Variants in AGBL1 observed in about 807,000 individuals in gnomAD.
The protein encoded by AGBL1 is AGBL carboxypeptidase 1, also known as cytosolic carboxypeptidase 4.
A neutral mutation model predicts 118.9 loss-of-function variants in AGBL1; 130 were observed. The ratio of observed to expected loss-of-function variants is 1.09; its 90% CI spans 0.95 to 1.26. The LOEUF (loss-of-function observed/expected upper bound fraction) is 1.26, where lower values mean the gene tolerates loss of function less well. Among genes scored for constraint, AGBL1 ranks in the 50% most tolerant of loss-of-function variants. The pLI, the probability that AGBL1 is intolerant of heterozygous loss-of-function variation, is 0.00. For synonymous variants in AGBL1, 555 were observed against 478.9 expected, an observed-to-expected ratio of 1.16 and a Z score of -2.08; for missense variants, 1,584 against 1,298.1, an observed-to-expected ratio of 1.22 and a Z score of -3.38.
chr15:86,272,518 G>T (rs773806115), intron 15 of AGBL1, among the ~76,000 whole-genome samples: 12 of 152,018 alleles, frequency 7.9e-5, no homozygotes, highest in Non-Finnish European at 1.2e-4. Context: ...AATTACTAGC[G>T]GCCTCTAAAA....
At chr15:86,930,397 C>A (rs367812981) in intron 23 of AGBL1, among the ~76,000 whole-genome samples, 2 of 152,100 alleles carry the variant, frequency 1.3e-5, no homozygotes, top group East Asian at 1.9e-4. Flanking sequence ...GGGACAGGGG[C>A]GGGATAGCAG....
At chr15:86,955,056 C>T (rs2080916418) in intron 23 of AGBL1, among the ~76,000 whole-genome samples, 1 of 152,046 alleles carries the variant, frequency 6.6e-6, no homozygotes, top group South Asian at 2.1e-4. Context: ...CATTTCTCCC[C>T]TCCAGAACTT....
intron 5 of AGBL1, among the ~76,000 whole-genome samples, chr15:86,219,211 A>G (rs1403269891): frequency 3.3e-5 from 5 of 152,166 alleles, no homozygotes; most frequent in African/African-American, 1.2e-4. Context: ...ACACATATAC[A>G]GAGATAAACC....
intron 21 of AGBL1, among the ~76,000 whole-genome samples, chr15:86,654,867 C>T (rs971396950): frequency 1.3e-5 from 2 of 152,072 alleles, no homozygotes; most frequent in African/African-American, 2.4e-5. Context: ...CAAATGGGAG[C>T]TTCTCATAGC....
chr15:86,434,611 G>C (rs1237259810), intron 18 of AGBL1, among the ~76,000 whole-genome samples: 1 of 152,168 alleles, frequency 6.6e-6, no homozygotes, highest in African/African-American at 2.4e-5. Context: ...TAAGCGCTAA[G>C]AATAAAATCG....
At chr15:86,372,172 C>T (rs781303046) in intron 17 of AGBL1, among the ~76,000 whole-genome samples, 4 of 152,222 alleles carry the variant, frequency 2.6e-5, no homozygotes, top group Non-Finnish European at 4.4e-5. Context: ...GAGTTCTGTG[C>T]AGACTCCATG....
chr15:86,473,079 T>G (rs2082501627), intron 18 of AGBL1, among the ~76,000 whole-genome samples: 1 of 152,224 alleles, frequency 6.6e-6, no homozygotes, highest in Non-Finnish European at 1.5e-5. Flanking sequence ...AAATGTTACT[T>G]TAAAATATCA....
At chr15:87,016,190 G>C (rs2081606496) in intron 24 of AGBL1, among the ~76,000 whole-genome samples, 1 of 152,058 alleles carries the variant, frequency 6.6e-6, no homozygotes, top group Non-Finnish European at 1.5e-5. Flanking sequence ...CCCTTAAGGA[G>C]AATCTGACCC....
chr15:86,314,378 G>A (rs1482029229), intron 17 of AGBL1, among the ~76,000 whole-genome samples: 1 of 152,190 alleles, frequency 6.6e-6, no homozygotes, highest in African/African-American at 2.4e-5. Context: ...TGCTGGGGGA[G>A]TCAAGACAGG....
At chr15:86,322,934 C>A (rs535386442) in intron 17 of AGBL1, among the ~76,000 whole-genome samples, 44 of 152,242 alleles carry the variant, frequency 2.9e-4, no homozygotes, top group Admixed American at 4.6e-4. Context: ...TTTTTGAGTA[C>A]CAGCTTTTTG....
rs146808813 is a variant in AGBL1 at position 86,145,828 on chromosome 15, G to T, written c.262+1983G>T. 2.7e-3 allele frequency among the ~76,000 whole-genome samples: 406 copies of T among 152,334 alleles called. 2 individuals are homozygous for T. The highest frequency in any genetic ancestry group is 9.5e-3 in the African/African-American group (394 of 41,582). On this transcript the variant is annotated intron_variant, in intron 3 of 22. Coordinates refer to ENST00000614907, the MANE Select transcript of AGBL1 (RefSeq NM_001386094.1). ...ATGGAACTTATGTTCAAGTGGAGAAGGCCAGCAAATCAACAAATAACTTGA... is the reference window on the plus strand; with the variant it reads ...ATGGAACTTATGTTCAAGTGGAGAATGCCAGCAAATCAACAAATAACTTGA...
At chr15:86,126,424 A>C (rs1013266970) in intron 1 of AGBL1, among the ~76,000 whole-genome samples, 3 of 152,200 alleles carry the variant, frequency 2.0e-5, no homozygotes, top group African/African-American at 4.8e-5. Flanking sequence ...TTCTAGGGTG[A>C]CATCTGTGGG....
intron 18 of AGBL1, among the ~76,000 whole-genome samples, chr15:86,442,285 A>G (rs898159371): frequency 6.6e-6 from 1 of 152,222 alleles, no homozygotes; most frequent in Non-Finnish European, 1.5e-5. Context: ...TAATATTCTC[A>G]GGGCTACAGT....
At chr15:86,820,036 T>C (rs972403495) in intron 22 of AGBL1, among the ~76,000 whole-genome samples, 2 of 151,776 alleles carry the variant, frequency 1.3e-5, no homozygotes, top group African/African-American at 4.8e-5. Flanking sequence ...AAACAAGCAA[T>C]GGGGAAAGGA....
chr15:86,865,439 CA>C (rs1443428816), intron 22 of AGBL1, among the ~76,000 whole-genome samples: 1 of 152,204 alleles, frequency 6.6e-6, no homozygotes, highest in African/African-American at 2.4e-5. Context: ...ACTTCAGAAA[CA>C]CAGGCCCTTG....
At chr15:86,488,843 C>A (rs1033041826) in intron 18 of AGBL1, among the ~76,000 whole-genome samples, 1 of 152,024 alleles carries the variant, frequency 6.6e-6, no homozygotes, top group African/African-American at 2.4e-5. Context: ...GAAGGAATTT[C>A]CCTATAGTCA....
chr15:86,931,773 C>T (rs1361188035), intron 23 of AGBL1, among the ~76,000 whole-genome samples: 1 of 152,028 alleles, frequency 6.6e-6, no homozygotes, highest in East Asian at 1.9e-4. Context: ...TAAAACAAGC[C>T]AGTGCCATCA....
In AGBL1 at chr15:86,327,909, CCAGG is replaced by C. The variant is rs566334231; in HGVS notation, c.2374+32505_2374+32508del. 5.2e-4 allele frequency among the ~76,000 whole-genome samples: 79 copies of C among 152,222 alleles called. 1 individual carries two copies. The South Asian group carries it at 0.016, about 31-fold the overall frequency. On this transcript the variant is annotated intron_variant, in intron 17 of 22. Transcript: ENST00000614907. ...TCGGGGTACGTCCTCCTGAGTTGCTCCAGGCAGTGTGTTTTAAAGGAAAGAAGAA... is the reference window on the plus strand; with the variant it reads ...TCGGGGTACGTCCTCCTGAGTTGCTCCAGTGTGTTTTAAAGGAAAGAAGAA...
At chr15:86,566,042 C>A (rs773499334) in intron 21 of AGBL1, among the ~76,000 whole-genome samples, 70 of 152,214 alleles carry the variant, frequency 4.6e-4, no homozygotes, top group Non-Finnish European at 9.0e-4. Flanking sequence ...GCTTCCCTTG[C>A]CTAGGAAAGG....
Sources: gnomAD v4.1 joint callset for allele counts (sites outside exome capture counted in the v4.1 genomes callset) on GRCh38, gnomAD v4.1.1 for gene constraint, MANE v1.5 for transcripts, NCBI Gene and HGNC (gene_info 2026-07-23, HGNC 2026-07-21) for gene names.